Variants in RETREG1 observed in about 807,000 individuals in gnomAD.
RETREG1 encodes the protein reticulophagy regulator 1.
In RETREG1, 44 loss-of-function variants were observed where a neutral mutation model predicts 54.8. The observed-to-expected ratio is 0.80, with a 90% confidence interval of 0.63 to 1.03. The LOEUF is 1.03. RETREG1 is among the 50% of genes least tolerant of loss of function. The probability of loss-of-function intolerance (pLI) is 0.00; values close to 1 mark genes in which losing one functional copy is unlikely to be tolerated. For missense variants in RETREG1, 554 were observed against 605.1 expected (o/e 0.92, Z 0.89); for synonymous variants, 217 against 238.5 (o/e 0.91, Z 0.83).
At position 16,483,430 on chromosome 5, in the gene RETREG1, G is replaced by A. The variant is rs1738892805; in HGVS notation, c.501C>T (p.Leu167=). ...TCCATGATTCTGCAATACAGTGGCT[G>A]AGCCTGGGTCTTTCATCTGGTTTGG... The part of the protein sequence containing the change: ...INSKPDERPR[L]SHCIAESWMN... Residue 167 remains leucine (L), a synonymous_variant, in exon 4 of 9, where the codon CTC becomes CTT. Transcript: ENST00000306320. 6 of 1,613,186 alleles carry A rather than the reference G, an allele frequency of 3.7e-6. No homozygotes were observed. In the African/African-American group the frequency reaches 8.0e-5, roughly 22 times the overall value.
intron 1 of RETREG1, among the ~76,000 whole-genome samples, chr5:16,604,386 CA>C (rs1170594418): frequency 5.3e-5 from 8 of 152,140 alleles, no homozygotes; most frequent in Non-Finnish European, 1.2e-4. Context: ...GAAACTCCAC[CA>C]AGTGCCTAGC....
At chr5:16,550,951 C>T (rs956646139) in intron 3 of RETREG1, among the ~76,000 whole-genome samples, 1 of 152,022 alleles carries the variant, frequency 6.6e-6, no homozygotes. Flanking sequence ...GAGGAGGATA[C>T]GGGAATTGAC....
At chr5:16,477,545 A>G (rs1738586175) in intron 8 of RETREG1, 117 bp downstream of exon 8, 5 of 977,168 alleles carry the variant, frequency 5.1e-6, no homozygotes, top group Non-Finnish European at 7.9e-6. Flanking sequence ...TAGCCAAGTA[A>G]TATTCTACTG....
At chr5:16,548,311 G>C (rs1005163120) in intron 3 of RETREG1, among the ~76,000 whole-genome samples, 3 of 152,138 alleles carry the variant, frequency 2.0e-5, no homozygotes, top group Non-Finnish European at 1.5e-5. Flanking sequence ...GGCGTGAAAT[G>C]TACCTGAGTT....
intron 1 of RETREG1, among the ~76,000 whole-genome samples, chr5:16,592,383 C>CA (rs1346962891): frequency 6.6e-6 from 1 of 152,024 alleles, no homozygotes; most frequent in Non-Finnish European, 1.5e-5. Flanking sequence ...ATGGCTATTA[C>CA]AAAAAAGTCA....
At chr5:16,591,013 C>T (rs1742758553) in intron 1 of RETREG1, among the ~76,000 whole-genome samples, 1 of 152,134 alleles carries the variant, frequency 6.6e-6, no homozygotes, top group Non-Finnish European at 1.5e-5. Flanking sequence ...TATTACACCT[C>T]AGTCCAAAAA....
chr5:16,488,582 G>A (rs543977638), intron 3 of RETREG1, among the ~76,000 whole-genome samples: 5 of 152,168 alleles, frequency 3.3e-5, no homozygotes, highest in Admixed American at 1.3e-4. Context: ...TGGCACAGGC[G>A]TGTGAGGAGC....
At chr5:16,483,309 A>G in intron 4 of RETREG1, 37 bp downstream of exon 4, 3 of 1,611,200 alleles carry the variant, frequency 1.9e-6, no homozygotes, top group Non-Finnish European at 2.5e-6. Flanking sequence ...CAAGTAACTG[A>G]ACATTTTAAA....
chr5:16,535,406 G>A (rs973880304), intron 3 of RETREG1, among the ~76,000 whole-genome samples: 1 of 149,132 alleles, frequency 6.7e-6, no homozygotes, highest in Non-Finnish European at 1.5e-5. Context: ...CTGGAGTACT[G>A]CATGCATGCT....
intron 3 of RETREG1, among the ~76,000 whole-genome samples, chr5:16,513,959 G>A (rs1740266635): frequency 6.6e-6 from 1 of 152,004 alleles, no homozygotes. Flanking sequence ...TTCATATTGT[G>A]TTTAATATCT....
At chr5:16,526,456 T>C (rs115467384) in intron 3 of RETREG1, among the ~76,000 whole-genome samples, 1,543 of 152,254 alleles carry the variant, frequency 0.01, 26 homozygotes, top group African/African-American at 0.033. Flanking sequence ...CCCCCAAGCA[T>C]TACATGGGAA....
intron 3 of RETREG1, among the ~76,000 whole-genome samples, chr5:16,486,777 C>T (rs886146589): frequency 6.6e-6 from 1 of 152,296 alleles, no homozygotes. Flanking sequence ...GTGTGATTGA[C>T]CAATACCAAC....
At chr5:16,524,831 T>C (rs2126585617) in intron 3 of RETREG1, among the ~76,000 whole-genome samples, 1 of 152,344 alleles carries the variant, frequency 6.6e-6, no homozygotes, top group South Asian at 2.1e-4. Flanking sequence ...GGAAACAACA[T>C]GTGCTTGCAC....
chr5:16,513,297 C>G (rs920672793), intron 3 of RETREG1, among the ~76,000 whole-genome samples: 11 of 152,284 alleles, frequency 7.2e-5, no homozygotes, highest in Admixed American at 7.2e-4. Context: ...AGAACCTGTG[C>G]TTTTCTAAAT....
At chr5:16,487,179 C>T (rs1364536925) in intron 3 of RETREG1, among the ~76,000 whole-genome samples, 1 of 152,190 alleles carries the variant, frequency 6.6e-6, no homozygotes, top group African/African-American at 2.4e-5. Flanking sequence ...AGTTCCTAAA[C>T]AAACAATACA....
chr5:16,559,992 A>G (rs901787073), intron 3 of RETREG1, among the ~76,000 whole-genome samples: 12 of 152,230 alleles, frequency 7.9e-5, no homozygotes, highest in African/African-American at 2.9e-4. Flanking sequence ...TAGGTCAAGC[A>G]TGGGTCCTTC....
intron 3 of RETREG1, among the ~76,000 whole-genome samples, chr5:16,550,643 T>C (rs1741510248): frequency 6.6e-6 from 1 of 152,152 alleles, no homozygotes; most frequent in Non-Finnish European, 1.5e-5. Flanking sequence ...GAGTCAGCTC[T>C]CACTATTTTG....
intron 1 of RETREG1, among the ~76,000 whole-genome samples, chr5:16,586,526 C>CTCTGGACT (rs2126332501): frequency 6.6e-6 from 1 of 152,332 alleles, no homozygotes; most frequent in South Asian, 2.1e-4. Context: ...CTGGGTCCCA[C>CTCTGGACT]TCTGGACTGG....
intron 3 of RETREG1, among the ~76,000 whole-genome samples, chr5:16,537,652 C>A (rs977204260): frequency 6.6e-6 from 1 of 152,108 alleles, no homozygotes. Flanking sequence ...AAGCCTAGTT[C>A]GTACCACTGC....
Sources: allele counts gnomAD v4.1 joint callset (sites outside exome capture counted in the v4.1 genomes callset), GRCh38; gene constraint gnomAD v4.1.1; transcripts MANE v1.5; gene names NCBI Gene and HGNC (gene_info 2026-07-23, HGNC 2026-07-21).